Variants in OR14I1 observed in about 807,000 individuals in gnomAD.
The protein encoded by OR14I1 is olfactory receptor 14I1.
For missense variants in OR14I1, 279 were observed against 181.8 expected (o/e 1.53, Z -3.07); for synonymous variants, 118 against 71.1 (o/e 1.66, Z -3.32).
the OR14I1 span, among the ~76,000 whole-genome samples, chr1:248,697,988 A>C: frequency 6.6e-6 from 1 of 152,248 alleles, no homozygotes; most frequent in Non-Finnish European, 1.5e-5. Context: ...CATTTAAATG[A>C]GAAATGATTT....
At chr1:248,689,103 G>A in the OR14I1 span, among the ~76,000 whole-genome samples, 48 of 152,204 alleles carry the variant, frequency 3.2e-4, no homozygotes, top group Admixed American at 7.8e-4. Flanking sequence ...TACTTTTGAG[G>A]CAACTCCTCT....
the OR14I1 span, among the ~76,000 whole-genome samples, chr1:248,702,645 A>G: frequency 1.3e-5 from 2 of 152,028 alleles, no homozygotes; most frequent in Non-Finnish European, 2.9e-5. Context: ...CATCTCAGCA[A>G]CCAGGTTCAT....
the OR14I1 span, among the ~76,000 whole-genome samples, chr1:248,701,112 A>G: frequency 5.5e-3 from 833 of 152,388 alleles, 11 homozygotes; most frequent in African/African-American, 0.019. Context: ...ATATTGAAAT[A>G]GAAACTTTTT....
the OR14I1 span, among the ~76,000 whole-genome samples, chr1:248,689,242 T>C: frequency 1.3e-5 from 2 of 152,296 alleles, no homozygotes; most frequent in South Asian, 2.1e-4. Context: ...TTACCTTTGG[T>C]CAGGTTCACT....
At chr1:248,691,635 C>T in the OR14I1 span, 1 of 152,340 alleles carries the variant, frequency 6.6e-6, no homozygotes, top group African/African-American at 2.4e-5. Flanking sequence ...TCACGTGAGC[C>T]GGGAGCCACC....
the OR14I1 span, among the ~76,000 whole-genome samples, chr1:248,688,602 C>T: frequency 2.0e-5 from 3 of 152,334 alleles, no homozygotes; most frequent in African/African-American, 7.2e-5. Context: ...GCTCTATAAT[C>T]ACAGACTGGT....
At chr1:248,700,402 C>G in the OR14I1 span, among the ~76,000 whole-genome samples, 2 of 152,194 alleles carry the variant, frequency 1.3e-5, no homozygotes, top group Non-Finnish European at 2.9e-5. Context: ...TGCAAGTACT[C>G]TTCTTTAGCT....
chr1:248,692,922 C>G, the OR14I1 span, among the ~76,000 whole-genome samples: 44 of 152,308 alleles, frequency 2.9e-4, no homozygotes, highest in East Asian at 1.9e-3. Context: ...CCAGAGACCA[C>G]TTCATGTTGG....
At chr1:248,694,026 C>T in the OR14I1 span, among the ~76,000 whole-genome samples, 2 of 152,100 alleles carry the variant, frequency 1.3e-5, no homozygotes, top group African/African-American at 4.8e-5. Context: ...TTCAAGTTCA[C>T]ATGCCATTGC....
the OR14I1 span, among the ~76,000 whole-genome samples, chr1:248,695,533 G>A: frequency 6.6e-6 from 1 of 152,034 alleles, no homozygotes; most frequent in African/African-American, 2.4e-5. Context: ...GCGCCCGGCC[G>A]AATCTATGCG....
exon 1 of OR14I1, chr1:248,682,101 A>T (rs762443980): frequency 2.6e-6 from 2 of 781,056 alleles, no homozygotes; most frequent in Non-Finnish European, 4.8e-6. Flanking sequence ...TGTAGCACAG[A>T]TCCAAAACGG....
the OR14I1 span, among the ~76,000 whole-genome samples, chr1:248,695,390 C>T: frequency 2.6e-5 from 4 of 151,816 alleles, no homozygotes; most frequent in African/African-American, 4.8e-5. Context: ...CCCGCCACCA[C>T]GCCCAGCTAA....
At chr1:248,700,454 G>A in the OR14I1 span, among the ~76,000 whole-genome samples, 5 of 152,154 alleles carry the variant, frequency 3.3e-5, no homozygotes, top group African/African-American at 1.2e-4. Context: ...CCAAATTAAT[G>A]GCTTTTCTTC....
downstream of OR14I1, among the ~76,000 whole-genome samples, chr1:248,678,390 A>G (rs1442702592): frequency 6.6e-6 from 1 of 152,230 alleles, no homozygotes; most frequent in East Asian, 1.9e-4. Flanking sequence ...AAACCTTAAC[A>G]AATTTAAAAG....
chr1:248,687,318 G>A (rs1224460467), upstream of OR14I1, among the ~76,000 whole-genome samples: 1 of 152,216 alleles, frequency 6.6e-6, no homozygotes, highest in Non-Finnish European at 1.5e-5. Flanking sequence ...CATGAGAGCA[G>A]TTAAGTGCGT....
downstream of OR14I1, among the ~76,000 whole-genome samples, chr1:248,678,174 G>T (rs1272554154): frequency 6.6e-6 from 1 of 152,144 alleles, no homozygotes; most frequent in Non-Finnish European, 1.5e-5. Context: ...ATTTTATAGA[G>T]CTACTACATA....
chr1:248,699,399 T>G, the OR14I1 span, among the ~76,000 whole-genome samples: 1 of 152,130 alleles, frequency 6.6e-6, no homozygotes, highest in African/African-American at 2.4e-5. Context: ...TAGAAGACTG[T>G]GGGTTTGATT....
chr1:248,681,791 T>C (rs753090977), exon 1 of OR14I1: 1 of 780,894 alleles, frequency 1.3e-6, no homozygotes, highest in African/African-American at 1.7e-5. Flanking sequence ...AACTGGTGGA[T>C]CACACTGGAT....
At chr1:248,701,158 C>T in the OR14I1 span, among the ~76,000 whole-genome samples, 3,257 of 148,670 alleles carry the variant, frequency 0.022, 125 homozygotes, top group African/African-American at 0.074. Context: ...ACACTTTTAA[C>T]TTTTTTTTTT....
Sources: allele counts gnomAD v4.1 joint callset (sites outside exome capture counted in the v4.1 genomes callset), GRCh38; gene constraint gnomAD v4.1.1; transcripts MANE v1.5; gene names NCBI Gene and HGNC (gene_info 2026-07-23, HGNC 2026-07-21).